SPATA6L: variants seen among roughly 807,000 people sequenced by gnomAD.
SPATA6L encodes spermatogenesis associated 6 like.
Under a neutral mutation model 49.2 loss-of-function variants are expected in SPATA6L, and 68 were observed. That is an observed-to-expected ratio of 1.38 (90% CI 1.14 to 1.69). The LOEUF is 1.69. SPATA6L is among the 40% of genes most tolerant of loss of function. The pLI, the probability that SPATA6L is intolerant of heterozygous loss-of-function variation, is 0.00. For missense variants in SPATA6L, 668 were observed against 464.3 expected, an observed-to-expected ratio of 1.44 and a Z score of -4.03; for synonymous variants, 198 against 165.7, an observed-to-expected ratio of 1.19 and a Z score of -1.50.
chr9:4,597,933 A>C (rs1296429452), downstream of SPATA6L, among the ~76,000 whole-genome samples: 1 of 152,236 alleles, frequency 6.6e-6, no homozygotes, highest in Non-Finnish European at 1.5e-5. Context: ...AGTACTGGCT[A>C]TACTGAGAGT....
In SPATA6L at chr9:4,622,416, G is replaced by A. The variant is rs376189255; in HGVS notation, c.764C>T (p.Thr255Met). ...KSKFSDFPFP[T>M]RRASSLDSLA... is the part of the protein sequence containing the mutation. ...ACAAGAAACTCGAGTACCTCTTCTC[G>A]TTGGAAACGGAAAGTCTGAAAACTT... The change falls in exon 7 of 12, where the codon ACG (threonine) becomes ATG (methionine). Residue 255 changes from threonine to methionine, a missense_variant. Coordinates refer to ENST00000682582, the MANE Select transcript of SPATA6L (RefSeq NM_001353486.2). 4.0e-5 allele frequency: 65 copies of A among 1,607,428 alleles called. No individual in the cohort carries two copies. The highest frequency in any genetic ancestry group is 3.7e-4 in the African/African-American group (28 of 74,896).
intron 3 of SPATA6L, among the ~76,000 whole-genome samples, chr9:4,642,597 T>C (rs1005088851): frequency 5.3e-5 from 8 of 152,206 alleles, no homozygotes; most frequent in African/African-American, 1.9e-4. Context: ...GCTCCAGTGA[T>C]ATCCACAGCA....
In SPATA6L at chr9:4,662,979, ACT is replaced by A. The variant is rs760218219; in HGVS notation, c.40-945_40-944del. On this transcript the variant is annotated intron_variant, in intron 1 of 11. Transcript: ENST00000682582. The surrounding 1 kb of genome is among the most constrained non-coding windows in gnomAD (Gnocchi z 4.9). ...CCACAACCAGATGGACATGTTTGTC[ACT>A]CTCTCGGTGGACAAGTACTCCTTCC... 22 of 1,607,560 alleles carry A rather than the reference ACT, an allele frequency of 1.4e-5. No homozygotes were observed. The South Asian group carries it at 2.3e-4, about 17-fold the overall frequency.
intron 3 of SPATA6L, among the ~76,000 whole-genome samples, chr9:4,641,402 C>G (rs7035593): frequency 6.6e-6 from 1 of 151,950 alleles, no homozygotes; most frequent in Admixed American, 6.6e-5. Context: ...AATAATAAAA[C>G]ATTAAAAATA....
At chr9:4,651,887 A>C (rs1178787042) in intron 3 of SPATA6L, among the ~76,000 whole-genome samples, 1 of 152,220 alleles carries the variant, frequency 6.6e-6, no homozygotes, top group Non-Finnish European at 1.5e-5. Flanking sequence ...TACTATCAGG[A>C]AATAGATAAG....
At chr9:4,610,799 G>T (rs1464053207) in intron 9 of SPATA6L, among the ~76,000 whole-genome samples, 1 of 152,120 alleles carries the variant, frequency 6.6e-6, no homozygotes, top group Non-Finnish European at 1.5e-5. Flanking sequence ...TGACAAATGG[G>T]ATCTAATTCA....
At chr9:4,657,801 G>A (rs950884221) in intron 2 of SPATA6L, among the ~76,000 whole-genome samples, 12 of 152,170 alleles carry the variant, frequency 7.9e-5, no homozygotes, top group African/African-American at 2.9e-4. Context: ...AAGATTAGTT[G>A]GCAGTTTCTT....
At chr9:4,603,260 T>A (rs1053222009) in intron 11 of SPATA6L, among the ~76,000 whole-genome samples, 5 of 152,042 alleles carry the variant, frequency 3.3e-5, no homozygotes, top group Non-Finnish European at 7.4e-5. Context: ...TGAAACCCCA[T>A]CTCTACTAAA....
intron 2 of SPATA6L, among the ~76,000 whole-genome samples, chr9:4,656,502 A>G (rs888717562): frequency 6.2e-5 from 8 of 128,860 alleles, no homozygotes; most frequent in South Asian, 2.4e-4. Flanking sequence ...GGAAGGAAGG[A>G]AGGGAGGAGC....
intron 11 of SPATA6L, among the ~76,000 whole-genome samples, chr9:4,603,505 C>T (rs1399859907): frequency 1.3e-5 from 2 of 152,152 alleles, no homozygotes; most frequent in African/African-American, 4.8e-5. Flanking sequence ...GAGACAGCAG[C>T]AGGGTGGAGA....
chr9:4,627,529 G>A lies in SPATA6L; in HGVS notation c.429+1562C>T, dbSNP rs1164639044. The A allele has an allele frequency of 2.7e-5, 9 of 332,994 alleles. No homozygotes were observed. In the East Asian group the frequency reaches 6.1e-4, roughly 23 times the overall value. The allele number at this position is 332,994 out of a possible 1,614,324, so 20.6% of individuals were successfully genotyped here. On this transcript the variant is annotated intron_variant, in intron 5 of 11. Transcript: ENST00000682582. ...GATAAGCATTTTGTTTCACTTACAG[G>A]TTTTACTCTACCCTGTCCCAAAGTA...
intron 6 of SPATA6L, among the ~76,000 whole-genome samples, chr9:4,624,151 T>A (rs1203287579): frequency 6.6e-6 from 1 of 152,228 alleles, no homozygotes; most frequent in Non-Finnish European, 1.5e-5. Context: ...ATAGTTAACA[T>A]TCTGGAGAAT....
chr9:4,634,827 T>C (rs10974689), intron 4 of SPATA6L, among the ~76,000 whole-genome samples: 9,978 of 152,242 alleles, frequency 0.066, 515 homozygotes, highest in Admixed American at 0.15. Context: ...GTAATATCAA[T>C]TTGCGAGCCT....
intron 5 of SPATA6L, chr9:4,626,868 A>G (rs2130469778): frequency 5.0e-6 from 1 of 198,116 alleles, no homozygotes; most frequent in South Asian, 9.8e-5. Context: ...AGTAAAAAAA[A>G]GAAGGGTACA....
At chr9:4,638,237 G>A (rs1833211487) in intron 3 of SPATA6L, among the ~76,000 whole-genome samples, 1 of 152,062 alleles carries the variant, frequency 6.6e-6, no homozygotes, top group Admixed American at 6.5e-5. Flanking sequence ...TTGAGACGGA[G>A]TCTCGCTCTT....
chr9:4,656,107 G>C lies in SPATA6L; in HGVS notation c.178-18C>G. ...TCAAATACCTGCAGAGAAAAATGGG[G>C]AAAATAAATTTTCAAAGTTGTATTA... is the stretch of plus-strand genomic sequence containing the variant. On this transcript the variant is annotated intron_variant, in intron 2 of 11. Transcript: ENST00000682582. 2 of 1,606,394 alleles carry C rather than the reference G, an allele frequency of 1.2e-6. No individual in the cohort carries two copies. Among genetic ancestry groups the C allele is most frequent in the Non-Finnish European group, 1.7e-6 (2 of 1,175,200 alleles).
chr9:4,640,273 G>C (rs1587332320), intron 3 of SPATA6L, among the ~76,000 whole-genome samples: 1 of 152,280 alleles, frequency 6.6e-6, no homozygotes, highest in African/African-American at 2.4e-5. Flanking sequence ...CTGAAGAACA[G>C]GAAGGGTCTT....
chr9:4,633,940 C>G (rs1296342725), intron 4 of SPATA6L, among the ~76,000 whole-genome samples: 1 of 152,176 alleles, frequency 6.6e-6, no homozygotes, highest in Non-Finnish European at 1.5e-5. Flanking sequence ...TACTTTACCT[C>G]TAATGCATGC....
chr9:4,640,302 A>G (rs1420976338), intron 3 of SPATA6L, among the ~76,000 whole-genome samples: 1 of 152,224 alleles, frequency 6.6e-6, no homozygotes, highest in African/African-American at 2.4e-5. Flanking sequence ...GGCAGCAAAG[A>G]TCACTAGACT....
Sources: allele counts gnomAD v4.1 joint callset (sites outside exome capture counted in the v4.1 genomes callset), GRCh38; gene constraint gnomAD v4.1.1; non-coding constraint Gnocchi (gnomAD v3.1); transcripts MANE v1.5; gene names NCBI Gene and HGNC (gene_info 2026-07-23, HGNC 2026-07-21).